Variants in AP2B1 observed in about 807,000 individuals in gnomAD.
AP2B1 encodes the protein AP-2 complex subunit beta.
Under a neutral mutation model 102.0 loss-of-function variants are expected in AP2B1, and 23 were observed. The observed-to-expected ratio is 0.23, with a 90% CI of 0.16 to 0.32. AP2B1 has a LOEUF of 0.32. Among genes scored for constraint, AP2B1 ranks in the 10% least tolerant of loss-of-function variants. AP2B1 has a pLI of 1.00. For missense variants in AP2B1, 541 were observed against 1,157.4 expected, an observed-to-expected ratio of 0.47 and a Z score of 7.73; for synonymous variants, 381 against 421.2, an observed-to-expected ratio of 0.90 and a Z score of 1.17.
chr17:35,647,496 C>T (rs999259912), intron 12 of AP2B1, among the ~76,000 whole-genome samples: 1 of 151,816 alleles, frequency 6.6e-6, no homozygotes, highest in African/African-American at 2.4e-5. Context: ...TTTGATAAGA[C>T]ATTCATATGT....
chr17:35,697,331 C>T (rs1431149006), intron 18 of AP2B1, among the ~76,000 whole-genome samples: 2 of 152,216 alleles, frequency 1.3e-5, no homozygotes, highest in East Asian at 3.8e-4. Context: ...ACTGTGCTCA[C>T]ATTTTGGGAA....
intron 14 of AP2B1, among the ~76,000 whole-genome samples, chr17:35,661,360 T>C (rs2075354725): frequency 6.6e-6 from 1 of 152,194 alleles, no homozygotes; most frequent in South Asian, 2.1e-4. Context: ...GCAGCCAGTG[T>C]TGAGAACATT....
intron 1 of AP2B1, 21 bp from the exon 2 acceptor site, chr17:35,593,987 A>C: frequency 1.4e-6 from 2 of 1,425,494 alleles, no homozygotes; most frequent in Non-Finnish European, 9.6e-7. Flanking sequence ...TGAATGAAGG[A>C]ATTCTTTTCT....
intron 5 of AP2B1, among the ~76,000 whole-genome samples, chr17:35,620,850 C>CT (rs1598068624): frequency 2.0e-5 from 3 of 152,148 alleles, no homozygotes; most frequent in Admixed American, 6.5e-5. Context: ...CTTGGAAACT[C>CT]TAATTTTTCT....
rs539213900 is a variant in AP2B1, at chr17:35,616,322, G to A, written c.525+7935G>A. ...TGGGACTACAGGCGCCCACCACTAC[G>A]CCTGGCTAATTTTTTTTGTATTTTT... On this transcript the variant is annotated intron_variant, in intron 5 of 21. Transcript: ENST00000610402. 1.4e-3 allele frequency among the ~76,000 whole-genome samples: 210 copies of A among 151,498 alleles called. 1 individual carries two copies. Among genetic ancestry groups the A allele is most frequent in the African/African-American group, 4.8e-3 (198 of 41,358 alleles).
intron 16 of AP2B1, among the ~76,000 whole-genome samples, chr17:35,672,250 C>T (rs903481676): frequency 6.6e-6 from 1 of 152,158 alleles, no homozygotes; most frequent in Non-Finnish European, 1.5e-5. Flanking sequence ...AGTCATTTCT[C>T]TTATTCCTCT....
rs71366474 is a variant in AP2B1, at chr17:35,696,413, C to CTTT, written c.2455-12794_2455-12792dup. 5.3e-5 allele frequency among the ~76,000 whole-genome samples: 7 copies of CTTT among 131,260 alleles called. No individual in the cohort carries two copies. In the East Asian group the frequency reaches 8.9e-4, roughly 17 times the overall value. The allele number at this position is 131,260 out of a possible 152,430, so 86.1% of individuals were successfully genotyped here. On this transcript the variant is annotated intron_variant, in intron 18 of 21. Coordinates refer to ENST00000610402, the MANE Select transcript of AP2B1 (RefSeq NM_001030006.2). Reference sequence around the variant, plus strand: ...TACAGTTAGGTAGAAGGAATAAGTTCTTTTTTTTTTTTTTTTTTTAAGTCT... The same window carrying CTTT: ...TACAGTTAGGTAGAAGGAATAAGTTCTTTTTTTTTTTTTTTTTTTTTTAAGTCT...
intron 14 of AP2B1, among the ~76,000 whole-genome samples, chr17:35,658,064 A>G (rs1355772901): frequency 2.0e-5 from 3 of 152,126 alleles, no homozygotes; most frequent in African/African-American, 4.8e-5. Context: ...TTGTTCAGCA[A>G]TTTTAATGTT....
Position 35,627,410 on chromosome 17 carries a change from A to G in AP2B1, c.964A>G (p.Lys322Glu). ...KRPEILKQEI[K>E]VFFVKYNDPI... ...GCCTGAAATCTTGAAGCAGGAAATC[A>G]AAGTCTTCTTTGTGAAGTACAATGA... The change falls in exon 8 of 22, where the codon AAA becomes GAA. Residue 322 changes from lysine to glutamate, a missense_variant. Lys to Glu is a moderately conservative substitution (Grantham distance 56). Coordinates refer to ENST00000610402, the MANE Select transcript of AP2B1 (RefSeq NM_001030006.2). The G allele has an allele frequency of 6.2e-7, 1 of 1,613,972 alleles. No individual in the cohort carries two copies. The highest frequency in any genetic ancestry group is 8.5e-7 in the Non-Finnish European group (1 of 1,179,980).
At chr17:35,663,150 A>G (rs894791812) in intron 14 of AP2B1, among the ~76,000 whole-genome samples, 3 of 152,186 alleles carry the variant, frequency 2.0e-5, no homozygotes, top group African/African-American at 4.8e-5. Flanking sequence ...GAGCTTTGCA[A>G]TGACTTAAAA....
intron 5 of AP2B1, among the ~76,000 whole-genome samples, chr17:35,613,159 C>A (rs1430093332): frequency 1.3e-5 from 2 of 150,836 alleles, no homozygotes; most frequent in Non-Finnish European, 2.9e-5. Context: ...ATATTAGATT[C>A]TCTTAGAAAA....
intron 9 of AP2B1, among the ~76,000 whole-genome samples, chr17:35,629,787 G>A (rs912214131): frequency 1.3e-5 from 2 of 152,206 alleles, no homozygotes; most frequent in African/African-American, 4.8e-5. Context: ...CTCTTGAAGA[G>A]CCTATCTGGT....
At chr17:35,637,541 G>T (rs1217549044) in intron 10 of AP2B1, among the ~76,000 whole-genome samples, 1 of 152,098 alleles carries the variant, frequency 6.6e-6, no homozygotes, top group Non-Finnish European at 1.5e-5. Context: ...TTAGCTTAGT[G>T]GTGGGCTCAA....
intron 18 of AP2B1, among the ~76,000 whole-genome samples, chr17:35,700,292 A>G (rs936606995): frequency 1.3e-5 from 2 of 151,740 alleles, no homozygotes; most frequent in Non-Finnish European, 2.9e-5. Flanking sequence ...CCATTCCCCT[A>G]GGATCTGTTG....
chr17:35,647,337 G>T (rs2142790723), intron 12 of AP2B1, among the ~76,000 whole-genome samples: 1 of 152,116 alleles, frequency 6.6e-6, no homozygotes, highest in African/African-American at 2.4e-5. Flanking sequence ...AAATGAGGAG[G>T]TTTCAGGCTG....
intron 21 of AP2B1, among the ~76,000 whole-genome samples, chr17:35,720,816 C>G (rs1304080514): frequency 6.6e-6 from 1 of 151,338 alleles, no homozygotes; most frequent in African/African-American, 2.4e-5. Flanking sequence ...ACTAGGTTCT[C>G]TGCCCACAAT....
chr17:35,723,683 GC>G lies in AP2B1; in HGVS notation c.2841del (p.Ser947ArgfsTer3), dbSNP rs1258996634. On this transcript the variant is annotated frameshift_variant, in exon 22 of 22. Coordinates refer to ENST00000610402, the MANE Select transcript of AP2B1 (RefSeq NM_001030006.2). LOFTEE classifies it high-confidence loss of function. ...VSQYIYQVYDSILKN is the reference protein window; with the variant it reads ...VSQYIYQVYDXILKN ...CAATACATCTATCAGGTCTACGACA[GC>G]ATTTTGAAAAACTAACAAGACTGGT... The G allele has an allele frequency of 6.2e-7, 1 of 1,611,946 alleles. No individual in the cohort carries two copies. The highest frequency in any genetic ancestry group is 8.5e-7 in the Non-Finnish European group (1 of 1,178,148).
At chr17:35,692,906 A>C (rs1296027506) in intron 18 of AP2B1, among the ~76,000 whole-genome samples, 1 of 152,046 alleles carries the variant, frequency 6.6e-6, no homozygotes, top group East Asian at 1.9e-4. Flanking sequence ...GTGTACATGA[A>C]TACCACCAGT....
In AP2B1 at chr17:35,701,389, A is replaced by T. The variant is rs1176069715; in HGVS notation, c.2455-7835A>T. ...TTCCTAGAGCATCAGTTTTATTGAA[A>T]GGTAAAGAGAGAAACACATATTAAA... On this transcript the variant is annotated intron_variant, in intron 18 of 21. Transcript: ENST00000610402. Among the ~76,000 whole-genome samples the T allele has an allele frequency of 4.6e-5, 7 of 152,304 alleles. No homozygotes were observed. The East Asian group carries it at 1.4e-3, about 29-fold the overall frequency.
Sources: allele counts gnomAD v4.1 joint callset (sites outside exome capture counted in the v4.1 genomes callset), GRCh38; gene constraint gnomAD v4.1.1; transcripts MANE v1.5; gene names NCBI Gene and HGNC (gene_info 2026-07-23, HGNC 2026-07-21).